ALK: variants seen among roughly 807,000 people sequenced by gnomAD.
ALK encodes ALK tyrosine kinase receptor.
Under a neutral mutation model 163.1 loss-of-function variants are expected in ALK, and 74 were observed. The ratio of observed to expected loss-of-function variants is 0.45; its 90% CI spans 0.38 to 0.55. ALK has a LOEUF of 0.55. Among genes scored for constraint, ALK ranks in the 20% least tolerant of loss-of-function variants. ALK has a pLI of 0.00. For synonymous variants in ALK, 960 were observed against 843.2 expected, an observed-to-expected ratio of 1.14 and a Z score of -2.40; for missense variants, 2,063 against 2,105.3, an observed-to-expected ratio of 0.98 and a Z score of 0.39.
chr2:29,258,145 G>A (rs749860102), intron 11 of ALK, among the ~76,000 whole-genome samples: 2 of 152,094 alleles, frequency 1.3e-5, no homozygotes, highest in African/African-American at 4.8e-5. Flanking sequence ...ATATTTTCTC[G>A]TTTTGAAGAA....
At chr2:29,286,951 AACTC>A (rs1176830330) in intron 9 of ALK, 1 of 149,588 alleles carries the variant, frequency 6.7e-6, no homozygotes, top group East Asian at 2.0e-4. Flanking sequence ...TTTCAAATCT[AACTC>A]ACTTCTTTTA....
intron 4 of ALK, among the ~76,000 whole-genome samples, chr2:29,427,117 A>G (rs1225649379): frequency 7.0e-6 from 1 of 143,734 alleles, no homozygotes; most frequent in Non-Finnish European, 1.5e-5. Context: ...TAAAATAAAT[A>G]GAAATGTATT....
chr2:29,765,876 A>G (rs1680848771), intron 1 of ALK, among the ~76,000 whole-genome samples: 1 of 152,138 alleles, frequency 6.6e-6, no homozygotes, highest in African/African-American at 2.4e-5. Context: ...ATTTCATGCT[A>G]CCAACATGAT....
At chr2:29,831,070 GGGAGGAGGA>G (rs751792416) in intron 1 of ALK, among the ~76,000 whole-genome samples, 10,836 of 23,492 alleles carry the variant, frequency 0.46, 3,601 homozygotes, top group Non-Finnish European at 0.58. Context: ...GGGGAGGAAG[GGGAGGAGGA>G]GGAGGAGGAG....
At chr2:29,566,416 G>A (rs761132500) in intron 3 of ALK, among the ~76,000 whole-genome samples, 4 of 152,146 alleles carry the variant, frequency 2.6e-5, no homozygotes, top group East Asian at 1.9e-4. Flanking sequence ...ATACTGATTC[G>A]GGTCTGCATG....
At position 29,921,123 on chromosome 2, in the gene ALK, G is replaced by A. The variant is rs1667993279; in HGVS notation, c.-464C>T. ...AGGCTGAGAACGGCGGCTCCCAGCT[G>A]CTGCACGCTGTCCTGGCCGCCTTTT... On this transcript the variant is annotated 5_prime_UTR_variant, in exon 1 of 29. Transcript: ENST00000389048. 1.2e-5 allele frequency: 3 copies of A among 242,554 alleles called. No homozygotes were observed. Among genetic ancestry groups the A allele is most frequent in the Non-Finnish European group, 1.6e-5 (2 of 124,392 alleles). The allele number at this position is 242,554 out of a possible 1,614,324, so 15.0% of individuals were successfully genotyped here. A position where few individuals can be genotyped will look rare whatever the true frequency, so the allele number is the denominator to read the frequency against.
chr2:29,216,136 G>A (rs1328980138), intron 23 of ALK, among the ~76,000 whole-genome samples: 1 of 152,128 alleles, frequency 6.6e-6, no homozygotes, highest in Non-Finnish European at 1.5e-5. Flanking sequence ...CATCCCTCCT[G>A]CGGCAAAGAG....
chr2:29,761,286 G>A (rs555271116), intron 1 of ALK, among the ~76,000 whole-genome samples: 2 of 152,308 alleles, frequency 1.3e-5, no homozygotes, highest in South Asian at 4.1e-4. Context: ...AGGCTTTGAA[G>A]GCAGATAGAT....
At chr2:29,330,526 G>C (rs1281394654) in intron 5 of ALK, among the ~76,000 whole-genome samples, 1 of 152,192 alleles carries the variant, frequency 6.6e-6, no homozygotes, top group African/African-American at 2.4e-5. Context: ...GCCCCTAGGA[G>C]GGTTCATGAA....
At chr2:29,763,860 C>A (rs1444843920) in intron 1 of ALK, among the ~76,000 whole-genome samples, 2 of 152,142 alleles carry the variant, frequency 1.3e-5, no homozygotes, top group Non-Finnish European at 2.9e-5. Flanking sequence ...GAGGGAAATG[C>A]AGAGGGGAGG....
At chr2:29,402,190 C>G (rs1042615803) in intron 4 of ALK, among the ~76,000 whole-genome samples, 1 of 152,210 alleles carries the variant, frequency 6.6e-6, no homozygotes, top group Admixed American at 6.5e-5. Context: ...ACAAACAGCC[C>G]GTGCCTGTTA....
At chr2:29,621,646 G>T (rs1446989200) in intron 3 of ALK, among the ~76,000 whole-genome samples, 1 of 152,242 alleles carries the variant, frequency 6.6e-6, no homozygotes, top group Non-Finnish European at 1.5e-5. Flanking sequence ...AGAAGGCACT[G>T]TTGCCCAACT....
At chr2:29,337,885 A>G (rs973916228) in intron 5 of ALK, among the ~76,000 whole-genome samples, 2 of 152,176 alleles carry the variant, frequency 1.3e-5, no homozygotes, top group Admixed American at 1.3e-4. Context: ...AAATAATACT[A>G]GGCTCCAGCC....
At chr2:29,698,829 G>T (rs377440284) in intron 2 of ALK, among the ~76,000 whole-genome samples, 52 of 152,300 alleles carry the variant, frequency 3.4e-4, no homozygotes, top group African/African-American at 1.2e-3. Context: ...TGTTAAAGCT[G>T]TACTTTCTAG....
chr2:29,916,007 A>G (rs948045589), intron 1 of ALK, among the ~76,000 whole-genome samples: 1 of 152,242 alleles, frequency 6.6e-6, no homozygotes, highest in Non-Finnish European at 1.5e-5. Flanking sequence ...AAAAACACCA[A>G]TGCCCAAAGG....
intron 3 of ALK, among the ~76,000 whole-genome samples, chr2:29,604,612 GA>G (rs1675488899): frequency 6.6e-6 from 1 of 152,192 alleles, no homozygotes; most frequent in African/African-American, 2.4e-5. Context: ...ACCTCCCTGA[GA>G]AAAGACATTT....
At chr2:29,203,753 G>A (rs1477162620) in intron 26 of ALK, among the ~76,000 whole-genome samples, 1 of 151,690 alleles carries the variant, frequency 6.6e-6, no homozygotes, top group Non-Finnish European at 1.5e-5. Context: ...CAAAGTGCTG[G>A]GATTTCAGGT....
chr2:29,472,449 T>C (rs867722483), intron 4 of ALK, among the ~76,000 whole-genome samples: 1 of 152,240 alleles, frequency 6.6e-6, no homozygotes, highest in Non-Finnish European at 1.5e-5. Flanking sequence ...ATCTGACAAA[T>C]GGTATCTCTG....
At chr2:29,319,693 G>T (rs977096518) in intron 7 of ALK, among the ~76,000 whole-genome samples, 2 of 152,350 alleles carry the variant, frequency 1.3e-5, no homozygotes, top group South Asian at 2.1e-4. Context: ...GCGGTATTCC[G>T]CAGGGCTGGA....
Sources: gnomAD v4.1 joint callset for allele counts (sites outside exome capture counted in the v4.1 genomes callset) on GRCh38, gnomAD v4.1.1 for gene constraint, MANE v1.5 for transcripts, NCBI Gene and HGNC (gene_info 2026-07-23, HGNC 2026-07-21) for gene names.